The following TCF4 variants were observed in gnomAD, a reference collection of about 807,000 sequenced individuals.
TCF4 encodes the protein SL3-3 enhancer factor 2.
Under a neutral mutation model 82.1 loss-of-function variants are expected in TCF4, and 3 were observed. The observed-to-expected ratio is 0.04, with a 90% CI of 0.02 to 0.09. TCF4 has a LOEUF of 0.09. TCF4 is among the 10% of genes least tolerant of loss of function. The pLI, the probability that TCF4 is intolerant of heterozygous loss-of-function variation, is 1.00. For missense variants in TCF4, 518 were observed against 852.7 expected (o/e 0.61, Z 4.89); for synonymous variants, 276 against 309.6 (o/e 0.89, Z 1.14).
At chr18:55,240,425 G>A (rs2050851518) in intron 15 of TCF4, among the ~76,000 whole-genome samples, 1 of 152,208 alleles carries the variant, frequency 6.6e-6, no homozygotes, top group Non-Finnish European at 1.5e-5. Context: ...CAGTTGTAGA[G>A]TACTAGATTT....
intron 5 of TCF4, among the ~76,000 whole-genome samples, chr18:55,453,770 C>T (rs1386472774): frequency 1.3e-5 from 2 of 151,326 alleles, no homozygotes; most frequent in African/African-American, 4.8e-5. Context: ...AGAAACGCAA[C>T]TTTTTTCAAT....
chr18:55,512,089 C>T lies in TCF4; in HGVS notation c.146-47952G>A, dbSNP rs115198462. On this transcript the variant is annotated intron_variant, in intron 3 of 19. Coordinates refer to ENST00000354452, the MANE Select transcript of TCF4 (RefSeq NM_001083962.2). ...CAACCAGATACTATGTCGACTACCA[C>T]GTTAATAAGATAAAAATAATACAAA... is the stretch of plus-strand genomic sequence containing the variant. Among the ~76,000 whole-genome samples the T allele has an allele frequency of 3.8e-3, 572 of 152,196 alleles. 4 individuals are homozygous for T. Among genetic ancestry groups the T allele is most frequent in the African/African-American group, 0.013 (553 of 41,532 alleles).
chr18:55,557,081 A>G (rs1040408189), intron 3 of TCF4, among the ~76,000 whole-genome samples: 1 of 152,214 alleles, frequency 6.6e-6, no homozygotes, highest in Non-Finnish European at 1.5e-5. Flanking sequence ...TCAAAGGACC[A>G]TTGGATCAAC....
Position 55,406,472 on chromosome 18 carries a change from G to A in TCF4, c.305-2954C>T, listed in dbSNP as rs115946002. On this transcript the variant is annotated intron_variant, in intron 5 of 19. Coordinates refer to ENST00000354452, the MANE Select transcript of TCF4 (RefSeq NM_001083962.2). Reference sequence around the variant, plus strand: ...TTCTAGAAAAGAAACTATCTTTTGTGTAAATTATCCATTAAAAATTAGCTA... The same window carrying A: ...TTCTAGAAAAGAAACTATCTTTTGTATAAATTATCCATTAAAAATTAGCTA... Among the ~76,000 whole-genome samples the A allele has an allele frequency of 9.0e-4, 137 of 152,146 alleles. 2 individuals are homozygous for A. The highest frequency in any genetic ancestry group is 2.8e-3 in the African/African-American group (116 of 41,520).
intron 10 of TCF4, among the ~76,000 whole-genome samples, chr18:55,272,269 T>C (rs919782272): frequency 1.3e-5 from 2 of 152,160 alleles, no homozygotes; most frequent in African/African-American, 4.8e-5. Flanking sequence ...ACGAGATTTA[T>C]AACTAGATTA....
At chr18:55,447,161 A>T (rs1055973555) in intron 5 of TCF4, among the ~76,000 whole-genome samples, 12 of 151,940 alleles carry the variant, frequency 7.9e-5, no homozygotes, top group Non-Finnish European at 1.6e-4. Flanking sequence ...AATAGAAAAA[A>T]TTAGCCAGGT....
chr18:55,612,719 C>T (rs1360291015), intron 2 of TCF4, among the ~76,000 whole-genome samples: 2 of 151,846 alleles, frequency 1.3e-5, no homozygotes, highest in Admixed American at 6.6e-5. Flanking sequence ...AGGCTGAGGC[C>T]GGCGGATCAC....
intron 3 of TCF4, chr18:55,469,733 G>C (rs2096130526): frequency 6.6e-6 from 1 of 152,178 alleles, no homozygotes; most frequent in Non-Finnish European, 1.5e-5. Flanking sequence ...CTGGATTTCA[G>C]CAGGGACTCT....
upstream of TCF4, chr18:55,589,348 A>C: frequency 9.5e-7 from 1 of 1,053,222 alleles, no homozygotes; most frequent in Non-Finnish European, 1.1e-6. Context: ...AGACTTTAAA[A>C]AGAGAGACAA....
chr18:55,626,450 G>A (rs1485345806), intron 2 of TCF4, among the ~76,000 whole-genome samples: 3 of 152,160 alleles, frequency 2.0e-5, no homozygotes, highest in African/African-American at 7.2e-5. Flanking sequence ...TTAAAAAGTT[G>A]AGGACATCAC....
chr18:55,239,756 G>A (rs1472656571), intron 15 of TCF4, among the ~76,000 whole-genome samples: 1 of 152,190 alleles, frequency 6.6e-6, no homozygotes, highest in Non-Finnish European at 1.5e-5. Flanking sequence ...TGGCAAGGCT[G>A]TTTTTATATG....
chr18:55,291,249 C>T (rs947578720), intron 8 of TCF4, among the ~76,000 whole-genome samples: 1 of 152,180 alleles, frequency 6.6e-6, no homozygotes, highest in African/African-American at 2.4e-5. Context: ...CCTTCCAAAT[C>T]ACCTACAGTC....
intron 6 of TCF4, among the ~76,000 whole-genome samples, chr18:55,400,382 A>C (rs1603446305): frequency 6.6e-6 from 1 of 152,150 alleles, no homozygotes; most frequent in Non-Finnish European, 1.5e-5. Flanking sequence ...AATTTGATTT[A>C]AATTAGTTTT....
intron 8 of TCF4, among the ~76,000 whole-genome samples, chr18:55,306,901 C>T (rs2070555235): frequency 6.6e-6 from 1 of 152,108 alleles, no homozygotes. Flanking sequence ...AACTCTCCTT[C>T]TGGGAAAAGT....
intron 2 of TCF4, among the ~76,000 whole-genome samples, chr18:55,619,114 T>C (rs1274556557): frequency 6.6e-6 from 1 of 152,140 alleles, no homozygotes; most frequent in Non-Finnish European, 1.5e-5. Context: ...CCTGTGGTTT[T>C]GGGTTTTGTT....
intron 3 of TCF4, chr18:55,510,585 T>C (rs956767067): frequency 3.3e-6 from 5 of 1,507,304 alleles, no homozygotes; most frequent in African/African-American, 1.4e-5. Flanking sequence ...TTACCTCTGC[T>C]GTCCTCTTCC....
chr18:55,360,630 T>C (rs972425898), intron 6 of TCF4, among the ~76,000 whole-genome samples: 1 of 152,098 alleles, frequency 6.6e-6, no homozygotes, highest in African/African-American at 2.4e-5. Context: ...ATACATAATA[T>C]GTAAATAAAC....
At chr18:55,395,689 AATAATGTGATCT>A (rs1016172714) in intron 6 of TCF4, among the ~76,000 whole-genome samples, 135 of 152,352 alleles carry the variant, frequency 8.9e-4, no homozygotes, top group African/African-American at 3.1e-3. Context: ...TTTTTGGAAC[AATAATGTGATCT>A]ATAATGAATC....
At chr18:55,408,523 A>G (rs1392071741) in intron 5 of TCF4, among the ~76,000 whole-genome samples, 1 of 152,180 alleles carries the variant, frequency 6.6e-6, no homozygotes, top group Non-Finnish European at 1.5e-5. Context: ...GTTATTATTT[A>G]CAGTCCTTCA....
Sources: allele counts gnomAD v4.1 joint callset (sites outside exome capture counted in the v4.1 genomes callset), GRCh38; gene constraint gnomAD v4.1.1; transcripts MANE v1.5; gene names NCBI Gene and HGNC (gene_info 2026-07-23, HGNC 2026-07-21).